GPHN: variants seen among roughly 807,000 people sequenced by gnomAD.
GPHN encodes gephyrin.
GPHN carries 17 observed loss-of-function variants against 95.5 expected under a neutral mutation model. The ratio of observed to expected loss-of-function variants is 0.18; its 90% CI spans 0.12 to 0.27. The LOEUF is 0.27. Among genes scored for constraint, GPHN ranks in the 10% least tolerant of loss-of-function variants. GPHN has a pLI of 1.00. For synonymous variants in GPHN, 320 were observed against 322.5 expected, an observed-to-expected ratio of 0.99 and a Z score of 0.08; for missense variants, 660 against 978.1, an observed-to-expected ratio of 0.67 and a Z score of 4.34.
At chr14:66,565,050 C>G (rs190244636) in intron 1 of GPHN, among the ~76,000 whole-genome samples, 5 of 152,256 alleles carry the variant, frequency 3.3e-5, no homozygotes, top group African/African-American at 9.6e-5. Flanking sequence ...AGCTATGATA[C>G]TGATGCACTT....
At chr14:67,588,851 CCT>C in the GPHN span, 1 of 152,630 alleles carries the variant, frequency 6.6e-6, no homozygotes, top group Non-Finnish European at 1.5e-5. Context: ...GTAAGCTTCT[CCT>C]CTCTCACCCC....
intron 1 of GPHN, among the ~76,000 whole-genome samples, chr14:66,636,982 G>T (rs2064135442): frequency 6.6e-6 from 1 of 152,110 alleles, no homozygotes; most frequent in Non-Finnish European, 1.5e-5. Context: ...CAGGATATAG[G>T]AATCTCCTCA....
At chr14:66,990,973 A>G (rs2071380327) in intron 9 of GPHN, among the ~76,000 whole-genome samples, 3 of 152,032 alleles carry the variant, frequency 2.0e-5, no homozygotes, top group African/African-American at 7.2e-5. Flanking sequence ...GATGTAGACA[A>G]TATGTTATTT....
chr14:66,585,155 G>C (rs2061367903), intron 1 of GPHN, among the ~76,000 whole-genome samples: 1 of 152,140 alleles, frequency 6.6e-6, no homozygotes, highest in African/African-American at 2.4e-5. Context: ...ATTTCTTCTA[G>C]ATTTTCTAGT....
the GPHN span, chr14:67,726,061 G>A: frequency 6.8e-6 from 11 of 1,613,394 alleles, no homozygotes; most frequent in Admixed American, 1.0e-4. Flanking sequence ...AGGAAAAGCA[G>A]CTCCATATTC....
intron 2 of GPHN, among the ~76,000 whole-genome samples, chr14:66,707,622 A>C (rs2069206426): frequency 6.6e-6 from 1 of 152,186 alleles, no homozygotes; most frequent in African/African-American, 2.4e-5. Flanking sequence ...CAATGAGAAC[A>C]CATGGACACA....
chr14:66,578,670 AAAAG>A (rs2061009743), intron 1 of GPHN, among the ~76,000 whole-genome samples: 1 of 150,744 alleles, frequency 6.6e-6, no homozygotes, highest in South Asian at 2.1e-4. Flanking sequence ...AAAAAAAAAA[AAAAG>A]CAAACAAAAA....
chr14:67,352,994 G>A, the GPHN span: 8 of 1,613,818 alleles, frequency 5.0e-6, no homozygotes, highest in East Asian at 4.5e-5. Flanking sequence ...AGGAGGTTTC[G>A]ACCTGTCTGT....
chr14:67,291,433 C>T, the GPHN span, among the ~76,000 whole-genome samples: 22 of 151,932 alleles, frequency 1.4e-4, no homozygotes, highest in African/African-American at 4.6e-4. Context: ...TACAGGTGCC[C>T]GCCACTGTTC....
chr14:66,956,881 G>T (rs368560823), intron 8 of GPHN, among the ~76,000 whole-genome samples: 1 of 146,320 alleles, frequency 6.8e-6, no homozygotes, highest in African/African-American at 2.5e-5. Context: ...ACCAAACACC[G>T]CATATTCTCA....
intron 20 of GPHN, among the ~76,000 whole-genome samples, chr14:67,168,700 C>T (rs2082423835): frequency 1.3e-5 from 2 of 152,104 alleles, no homozygotes; most frequent in South Asian, 4.1e-4. Flanking sequence ...TGGCGTTAAA[C>T]AGCTTCTGGG....
At chr14:67,289,413 A>G in the GPHN span, among the ~76,000 whole-genome samples, 1 of 152,132 alleles carries the variant, frequency 6.6e-6, no homozygotes, top group Non-Finnish European at 1.5e-5. Context: ...GGATGTGTAT[A>G]CCTTATATGC....
chr14:67,119,239 T>G lies in GPHN; in HGVS notation c.1627-3017T>G, dbSNP rs558424124. On this transcript the variant is annotated intron_variant, in intron 16 of 22. Coordinates refer to ENST00000478722, the MANE Select transcript of GPHN (RefSeq NM_020806.5). ...GTTACATGTCCTGGTTTGGTACAGT[T>G]TAGCTGTTATGCAAATAATGGTATA... Among the ~76,000 whole-genome samples the G allele has an allele frequency of 2.6e-5, 4 of 152,318 alleles. No homozygotes were observed. In the East Asian group the frequency reaches 5.8e-4, roughly 22 times the overall value.
intron 2 of GPHN, among the ~76,000 whole-genome samples, chr14:66,737,732 TG>T (rs2072424190): frequency 6.6e-6 from 1 of 152,244 alleles, no homozygotes; most frequent in Non-Finnish European, 1.5e-5. Context: ...GATTCTTTTT[TG>T]CTTACAGCCT....
At chr14:67,404,160 T>A in the GPHN span, among the ~76,000 whole-genome samples, 1 of 152,328 alleles carries the variant, frequency 6.6e-6, no homozygotes, top group African/African-American at 2.4e-5. Flanking sequence ...TCTAAATATA[T>A]ATGGTAACAA....
the GPHN span, among the ~76,000 whole-genome samples, chr14:67,666,053 G>A: frequency 2.6e-5 from 4 of 152,192 alleles, no homozygotes; most frequent in Admixed American, 2.0e-4. Context: ...GTAATAAGCT[G>A]TCCCAAAAGT....
chr14:66,724,549 G>T (rs2071052645), intron 2 of GPHN, among the ~76,000 whole-genome samples: 1 of 152,118 alleles, frequency 6.6e-6, no homozygotes. Flanking sequence ...TGTCTAACAG[G>T]GGTAGATAGA....
At chr14:67,213,420 T>G in the GPHN span, among the ~76,000 whole-genome samples, 1 of 144,016 alleles carries the variant, frequency 6.9e-6, no homozygotes, top group Non-Finnish European at 1.5e-5. Flanking sequence ...CGGTGTTTGG[T>G]TTTTTGTTCT....
the GPHN span, among the ~76,000 whole-genome samples, chr14:67,309,256 G>C: frequency 6.6e-6 from 1 of 152,144 alleles, no homozygotes; most frequent in Non-Finnish European, 1.5e-5. Context: ...TAGCAGGAAA[G>C]ATTGGTGGAG....
Sources: gnomAD v4.1 joint callset for allele counts (sites outside exome capture counted in the v4.1 genomes callset) on GRCh38, gnomAD v4.1.1 for gene constraint, MANE v1.5 for transcripts, NCBI Gene and HGNC (gene_info 2026-07-23, HGNC 2026-07-21) for gene names.